Variants in GRID1 observed in about 807,000 individuals in gnomAD.
The protein encoded by GRID1 is glutamate ionotropic receptor delta type subunit 1, also known as glutamate receptor ionotropic, delta-1.
In GRID1, 28 loss-of-function variants were observed where a neutral mutation model predicts 98.0. That is an observed-to-expected ratio of 0.29 (90% confidence interval 0.21 to 0.39). The LOEUF (loss-of-function observed/expected upper bound fraction) is 0.39. Among genes scored for constraint, GRID1 ranks in the 10% least tolerant of loss-of-function variants. The probability of loss-of-function intolerance (pLI) is 1.00; values close to 1 mark genes in which losing one functional copy is unlikely to be tolerated. For synonymous variants in GRID1, 553 were observed against 538.5 expected, an observed-to-expected ratio of 1.03 and a Z score of -0.37; for missense variants, 1,111 against 1,340.5, an observed-to-expected ratio of 0.83 and a Z score of 2.67.
intron 2 of GRID1, among the ~76,000 whole-genome samples, chr10:86,283,544 C>G (rs919639186): frequency 7.5e-6 from 1 of 132,564 alleles, no homozygotes; most frequent in Non-Finnish European, 1.6e-5. Context: ...CACACACACA[C>G]CTGCCCTTAC....
chr10:86,355,060 T>C (rs1423838577), intron 2 of GRID1, among the ~76,000 whole-genome samples: 1 of 152,192 alleles, frequency 6.6e-6, no homozygotes, highest in Non-Finnish European at 1.5e-5. Flanking sequence ...CTCAGGCTAG[T>C]AAGATCACAG....
At chr10:86,118,106 A>G (rs575341782) in intron 4 of GRID1, among the ~76,000 whole-genome samples, 1 of 151,898 alleles carries the variant, frequency 6.6e-6, no homozygotes, top group African/African-American at 2.4e-5. Flanking sequence ...AGATAGATAG[A>G]TATATATACA....
At chr10:85,794,278 C>T in intron 8 of GRID1, among the ~76,000 whole-genome samples, 1 of 152,164 alleles carries the variant, frequency 6.6e-6, no homozygotes, top group East Asian at 1.9e-4. Context: ...TGATCAGTAA[C>T]CTAATCATTT....
At chr10:85,999,224 A>AAAAG (rs1554845411) in intron 4 of GRID1, among the ~76,000 whole-genome samples, 1 of 151,002 alleles carries the variant, frequency 6.6e-6, no homozygotes, top group African/African-American at 2.4e-5. Context: ...AAAAAAAAAA[A>AAAAG]AAAGAAAGAA....
chr10:86,163,310 T>C (rs1370528366), intron 3 of GRID1, among the ~76,000 whole-genome samples: 1 of 151,996 alleles, frequency 6.6e-6, no homozygotes. Flanking sequence ...CCATGGCCCA[T>C]CCTGTCCTTG....
At chr10:85,812,415 T>A (rs1842679778) in intron 8 of GRID1, among the ~76,000 whole-genome samples, 1 of 152,170 alleles carries the variant, frequency 6.6e-6, no homozygotes, top group South Asian at 2.1e-4. Context: ...CAAAAAATGA[T>A]GATCAGGGTG....
chr10:86,349,412 C>T (rs998596820), intron 2 of GRID1, among the ~76,000 whole-genome samples: 4 of 152,314 alleles, frequency 2.6e-5, no homozygotes, highest in East Asian at 1.9e-4. Flanking sequence ...CTACCCTCTC[C>T]CGCCCACACA....
chr10:86,331,021 A>T (rs936679337), intron 2 of GRID1, among the ~76,000 whole-genome samples: 2 of 152,204 alleles, frequency 1.3e-5, no homozygotes, highest in African/African-American at 2.4e-5. Context: ...CTCCCCAGGA[A>T]CACCATGAGA....
chr10:85,814,996 T>C (rs1424954777), intron 8 of GRID1, among the ~76,000 whole-genome samples: 1 of 151,984 alleles, frequency 6.6e-6, no homozygotes, highest in Non-Finnish European at 1.5e-5. Flanking sequence ...TGCAAAATTG[T>C]CAGCAAAATA....
chr10:85,916,076 T>C lies in GRID1; in HGVS notation c.780+110A>G. The C allele has an allele frequency of 1.2e-6, 1 of 850,250 alleles. No individual in the cohort carries two copies. The highest frequency in any genetic ancestry group is 1.9e-6 in the Non-Finnish European group (1 of 517,002). The allele number at this position is 850,250 out of a possible 1,614,324, so 52.7% of individuals were successfully genotyped here. A position where few individuals can be genotyped will look rare whatever the true frequency, so the allele number is the denominator to read the frequency against. On this transcript the variant is annotated intron_variant, in intron 5 of 15. Transcript: ENST00000327946. The surrounding 1 kb of genome is among the most constrained non-coding windows in gnomAD (Gnocchi z 4.0). Reference sequence around the variant, plus strand: ...GCCTGGGCTAGGTGGAGCCCCAGGATTCACAACAGCCCCCTAAGTCAGAAT... The same window carrying C: ...GCCTGGGCTAGGTGGAGCCCCAGGACTCACAACAGCCCCCTAAGTCAGAAT...
intron 13 of GRID1, among the ~76,000 whole-genome samples, chr10:85,643,618 C>T (rs1198589686): frequency 6.6e-6 from 1 of 151,966 alleles, no homozygotes; most frequent in Non-Finnish European, 1.5e-5. Flanking sequence ...GCTTTTCTTC[C>T]ACTAAAAAAA....
At chr10:86,306,432 C>T (rs752041339) in intron 2 of GRID1, among the ~76,000 whole-genome samples, 2 of 152,216 alleles carry the variant, frequency 1.3e-5, no homozygotes, top group Non-Finnish European at 2.9e-5. Context: ...TCACATTTGG[C>T]ACTCCCTTAT....
At chr10:86,167,698 C>G (rs935535987) in intron 3 of GRID1, among the ~76,000 whole-genome samples, 1 of 152,200 alleles carries the variant, frequency 6.6e-6, no homozygotes, top group African/African-American at 2.4e-5. Flanking sequence ...CCTGCCCCAC[C>G]ACCACTGCAG....
At chr10:86,177,438 TGGGG>T (rs752924835) in intron 3 of GRID1, among the ~76,000 whole-genome samples, 1 of 150,866 alleles carries the variant, frequency 6.6e-6, no homozygotes, top group African/African-American at 2.4e-5. Flanking sequence ...AGACTGTGTA[TGGGG>T]GGGTGGGTGC....
In GRID1 at chr10:85,820,443, C is replaced by T. The variant is rs540472347; in HGVS notation, c.1233+34053G>A. ...TATGTCTAGTGTTCCACTATTGGGACGCTAAGGATGTGGGAGTTCTTCATA... is the reference window on the plus strand; with the variant it reads ...TATGTCTAGTGTTCCACTATTGGGATGCTAAGGATGTGGGAGTTCTTCATA... On this transcript the variant is annotated intron_variant, in intron 8 of 15. Coordinates refer to ENST00000327946, the MANE Select transcript of GRID1 (RefSeq NM_017551.3). Among the ~76,000 whole-genome samples, 90 of 152,236 alleles carry T rather than the reference C, an allele frequency of 5.9e-4. 1 individual carries two copies. Among genetic ancestry groups the T allele is most frequent in the African/African-American group, 7.2e-4 (30 of 41,548 alleles).
intron 4 of GRID1, among the ~76,000 whole-genome samples, chr10:85,952,099 C>T (rs10887538): frequency 0.67 from 101,933 of 152,150 alleles, 34,425 homozygotes; most frequent in Middle Eastern, 0.8. Context: ...ACAAGACTTA[C>T]GTCGATTCTC....
intron 4 of GRID1, among the ~76,000 whole-genome samples, chr10:86,019,363 G>C (rs1023618831): frequency 6.6e-6 from 1 of 152,184 alleles, no homozygotes; most frequent in Non-Finnish European, 1.5e-5. Context: ...TCTACAAACC[G>C]CATAATGCCT....
chr10:86,265,384 C>T (rs1395064869), intron 2 of GRID1, among the ~76,000 whole-genome samples: 1 of 152,250 alleles, frequency 6.6e-6, no homozygotes, highest in Non-Finnish European at 1.5e-5. Flanking sequence ...TAACCTGTGC[C>T]AGGCACTGTG....
chr10:85,808,409 G>A (rs547753542), intron 8 of GRID1, among the ~76,000 whole-genome samples: 7 of 152,252 alleles, frequency 4.6e-5, no homozygotes, highest in African/African-American at 1.7e-4. Context: ...TGTAAAAATT[G>A]CAAACTCTTG....
Sources: allele counts gnomAD v4.1 joint callset (sites outside exome capture counted in the v4.1 genomes callset), GRCh38; gene constraint gnomAD v4.1.1; non-coding constraint Gnocchi (gnomAD v3.1); transcripts MANE v1.5; gene names NCBI Gene and HGNC (gene_info 2026-07-23, HGNC 2026-07-21).